The following MAGED1 variants were observed in gnomAD, a reference collection of about 807,000 sequenced individuals.
MAGED1 encodes melanoma-associated antigen D1.
A neutral mutation model predicts 54.1 loss-of-function variants in MAGED1; 3 were observed. The ratio of observed to expected loss-of-function variants is 0.06; its 90% confidence interval spans 0.03 to 0.14. The LOEUF is 0.14. MAGED1 is among the 10% of genes least tolerant of loss of function. The probability of loss-of-function intolerance (pLI) is 1.00; values close to 1 mark genes in which losing one functional copy is unlikely to be tolerated. For missense variants in MAGED1, 485 were observed against 623.4 expected, an observed-to-expected ratio of 0.78 and a Z score of 2.36; for synonymous variants, 217 against 227.3, an observed-to-expected ratio of 0.95 and a Z score of 0.41.
intron 1 of MAGED1, among the ~76,000 whole-genome samples, chrX:51,840,363 G>A (rs1015089271): frequency 1.7e-4 from 19 of 110,224 alleles, no homozygotes; most frequent in African/African-American, 2.0e-4. Flanking sequence ...AAATTTTTTC[G>A]GAGTATAAAA....
At chrX:51,829,872 A>C (rs1557357262) in intron 1 of MAGED1, among the ~76,000 whole-genome samples, 3 of 112,004 alleles carry the variant, frequency 2.7e-5, no homozygotes, top group African/African-American at 9.7e-5. Flanking sequence ...GGGTGGAAAG[A>C]AATACAATCA....
At chrX:51,838,094 C>T (rs1926317206) in intron 1 of MAGED1, among the ~76,000 whole-genome samples, 1 of 112,152 alleles carries the variant, frequency 8.9e-6, no homozygotes, top group Non-Finnish European at 1.9e-5. Context: ...TTACGTGATT[C>T]CTGCTATCCC....
rs1557364371 is a variant in MAGED1, at chrX:51,896,918, C to T, written c.1263C>T (p.Asp421=). 4 of 1,208,881 alleles carry T rather than the reference C, an allele frequency of 3.3e-6. No individual in the cohort carries two copies. The highest frequency in any genetic ancestry group is 3.0e-5 in the East Asian group (1 of 33,643). ...CACCTGATTGGCCACTTCCCACTGA[C>T]TGGCCACTACCACCTGACTGGATCC... The part of the protein sequence containing the change: ...PLPPDWPLPT[D]WPLPPDWIPA... The change falls in exon 4 of 13, where the codon GAC becomes GAT. Residue 421 remains aspartate (D), a synonymous_variant. Coordinates refer to ENST00000326587, the MANE Select transcript of MAGED1 (RefSeq NM_006986.4).
chrX:51,857,194 C>T (rs1451375140), intron 1 of MAGED1: 6 of 111,586 alleles, frequency 5.4e-5, no homozygotes, highest in African/African-American at 2.0e-4. Flanking sequence ...TTGTTATGGC[C>T]ATAAGAATGT....
intron 1 of MAGED1, among the ~76,000 whole-genome samples, chrX:51,837,284 T>G (rs1311851145): frequency 8.9e-6 from 1 of 112,294 alleles, no homozygotes; most frequent in Non-Finnish European, 1.9e-5. Context: ...GTTAAGATTC[T>G]CATAAGTTTT....
chrX:51,888,077 A>G (rs782692689), intron 1 of MAGED1, among the ~76,000 whole-genome samples: 1 of 111,589 alleles, frequency 9.0e-6, no homozygotes, highest in Non-Finnish European at 1.9e-5. Context: ...ATACTTAGAA[A>G]CAATGGATAA....
chrX:51,866,325 T>G (rs1927459128), intron 1 of MAGED1, among the ~76,000 whole-genome samples: 1 of 112,208 alleles, frequency 8.9e-6, no homozygotes, highest in South Asian at 3.7e-4. Flanking sequence ...GAGTCAGTAC[T>G]GCTAGAATAT....
chrX:51,870,413 T>G (rs12394959), intron 1 of MAGED1, among the ~76,000 whole-genome samples: 1 of 111,999 alleles, frequency 8.9e-6, no homozygotes, highest in Non-Finnish European at 1.9e-5. Context: ...TTTGTTGTTG[T>G]TCTTTGGGGA....
intron 1 of MAGED1, among the ~76,000 whole-genome samples, chrX:51,819,739 C>T (rs1416904549): frequency 9.0e-6 from 1 of 110,935 alleles, no homozygotes; most frequent in Non-Finnish European, 1.9e-5. Flanking sequence ...TGTTGTCTTC[C>T]ATTTTATGGG....
intron 10 of MAGED1, chrX:51,899,283 A>G (rs1344069482): frequency 4.5e-5 from 5 of 110,448 alleles, no homozygotes; most frequent in African/African-American, 1.7e-4. Flanking sequence ...AGCTGGGATT[A>G]CAGGCATGTG....
At chrX:51,836,338 G>A (rs1452026611) in intron 1 of MAGED1, among the ~76,000 whole-genome samples, 1 of 110,324 alleles carries the variant, frequency 9.1e-6, no homozygotes. Flanking sequence ...GCTTTATTCT[G>A]GAATGTGATA....
At chrX:51,831,123 C>T (rs782016291) in intron 1 of MAGED1, among the ~76,000 whole-genome samples, 8 of 112,115 alleles carry the variant, frequency 7.1e-5, no homozygotes, top group African/African-American at 2.6e-4. Flanking sequence ...TTCCAAAGTG[C>T]TGGGATTACA....
chrX:51,876,114 G>A (rs1406968785), intron 1 of MAGED1, among the ~76,000 whole-genome samples: 1 of 111,668 alleles, frequency 9.0e-6, no homozygotes, highest in Non-Finnish European at 1.9e-5. Context: ...CCATGATGGT[G>A]AGAAAATGTG....
intron 1 of MAGED1, among the ~76,000 whole-genome samples, chrX:51,816,250 GAT>G (rs1215403944): frequency 9.1e-6 from 1 of 110,221 alleles, no homozygotes; most frequent in African/African-American, 3.3e-5. Context: ...GAGTAGCTGG[GAT>G]TACAGATGCC....
At chrX:51,883,392 GTACTGGTAA>G (rs1557362620) in intron 1 of MAGED1, among the ~76,000 whole-genome samples, 1 of 111,607 alleles carries the variant, frequency 9.0e-6, no homozygotes, top group East Asian at 2.8e-4. Context: ...AAGCAGAGTG[GTACTGGTAA>G]AAGCTGGAAC....
At chrX:51,829,598 T>TA (rs1343715186) in intron 1 of MAGED1, among the ~76,000 whole-genome samples, 1 of 110,473 alleles carries the variant, frequency 9.1e-6, no homozygotes, top group African/African-American at 3.3e-5. Flanking sequence ...ACAGAATGTA[T>TA]AAAGAATGCC....
chrX:51,880,781 G>A (rs1943782380), intron 1 of MAGED1, among the ~76,000 whole-genome samples: 1 of 111,324 alleles, frequency 9.0e-6, no homozygotes, highest in Non-Finnish European at 1.9e-5. Context: ...TCTGCAGAAC[G>A]AAATCACTGT....
At chrX:51,816,479 A>C (rs1557356078) in intron 1 of MAGED1, among the ~76,000 whole-genome samples, 1 of 111,618 alleles carries the variant, frequency 9.0e-6, no homozygotes, top group Non-Finnish European at 1.9e-5. Context: ...GTTTAGATAC[A>C]CAGATACAAA....
chrX:51,874,981 T>C (rs1380515651), intron 1 of MAGED1, among the ~76,000 whole-genome samples: 1 of 111,417 alleles, frequency 9.0e-6, no homozygotes, highest in African/African-American at 3.3e-5. Flanking sequence ...TTAGATCTTT[T>C]TGAGTCTTGC....
Sources: allele counts gnomAD v4.1 joint callset (sites outside exome capture counted in the v4.1 genomes callset), GRCh38; gene constraint gnomAD v4.1.1; transcripts MANE v1.5; gene names NCBI Gene and HGNC (gene_info 2026-07-23, HGNC 2026-07-21).